Variants in UMAD1 observed in about 807,000 individuals in gnomAD.
The protein encoded by UMAD1 is UBAP1-MVB12-associated (UMA) domain containing 1.
Under a neutral mutation model 6.1 loss-of-function variants are expected in UMAD1, and 8 were observed. The observed-to-expected ratio is 1.30, with a 90% CI of 0.76 to 2.35. The LOEUF is 2.35. Among genes scored for constraint, UMAD1 ranks in the 30% most tolerant of loss-of-function variants. The probability of loss-of-function intolerance (pLI) is 0.00; values close to 1 mark genes in which losing one functional copy is unlikely to be tolerated. For missense variants in UMAD1, 130 were observed against 78.4 expected (o/e 1.66, Z -2.49); for synonymous variants, 56 against 31.4 (o/e 1.78, Z -2.61).
chr7:7,801,055 T>A (rs527289169), intron 2 of UMAD1, among the ~76,000 whole-genome samples: 1 of 152,356 alleles, frequency 6.6e-6, no homozygotes, highest in African/African-American at 2.4e-5. Context: ...AGTGTGTTTG[T>A]GTCTATCCTG....
chr7:7,756,214 C>T (rs1012312532), intron 2 of UMAD1, among the ~76,000 whole-genome samples: 2 of 152,052 alleles, frequency 1.3e-5, no homozygotes, highest in Non-Finnish European at 2.9e-5. Context: ...AGTAACCACC[C>T]CAGTTTGGAG....
chr7:7,663,918 C>T (rs1583707939), intron 1 of UMAD1, among the ~76,000 whole-genome samples: 1 of 152,172 alleles, frequency 6.6e-6, no homozygotes, highest in East Asian at 1.9e-4. Context: ...AATGGGTGAG[C>T]TAGCCAGGAA....
intron 3 of UMAD1, among the ~76,000 whole-genome samples, chr7:7,825,409 G>A (rs528598861): frequency 6.6e-6 from 1 of 152,260 alleles, no homozygotes; most frequent in East Asian, 1.9e-4. Flanking sequence ...AAAAGAAAGA[G>A]GTTTTAGGAC....
At chr7:7,765,603 A>G (rs10085885) in intron 2 of UMAD1, among the ~76,000 whole-genome samples, 40,110 of 152,052 alleles carry the variant, frequency 0.26, 7,659 homozygotes, top group African/African-American at 0.54. Flanking sequence ...TCTCTGTGTC[A>G]GGGATTGAGG....
chr7:7,754,638 A>C (rs1284026646), intron 2 of UMAD1, among the ~76,000 whole-genome samples: 1 of 152,208 alleles, frequency 6.6e-6, no homozygotes, highest in East Asian at 1.9e-4. Flanking sequence ...AAATATACTG[A>C]TTTTTAAATT....
chr7:7,841,462 C>A (rs1783680651), intron 3 of UMAD1, among the ~76,000 whole-genome samples: 1 of 152,004 alleles, frequency 6.6e-6, no homozygotes, highest in South Asian at 2.1e-4. Flanking sequence ...CACCTCCACA[C>A]TCGGCTAATT....
chr7:7,658,425 C>G (rs1332240301), intron 1 of UMAD1, among the ~76,000 whole-genome samples: 1 of 152,190 alleles, frequency 6.6e-6, no homozygotes, highest in African/African-American at 2.4e-5. Flanking sequence ...TTTGCCCATT[C>G]AGTATGATAT....
intron 2 of UMAD1, among the ~76,000 whole-genome samples, chr7:7,745,286 A>G (rs527888410): frequency 6.6e-6 from 1 of 152,156 alleles, no homozygotes; most frequent in Non-Finnish European, 1.5e-5. Context: ...TATAGTGTAC[A>G]CCTGCAGTTC....
At chr7:7,703,447 A>C (rs1780518146) in intron 2 of UMAD1, among the ~76,000 whole-genome samples, 1 of 152,212 alleles carries the variant, frequency 6.6e-6, no homozygotes, top group African/African-American at 2.4e-5. Flanking sequence ...TTATTTATTA[A>C]ATAAAAAGAA....
intron 3 of UMAD1, among the ~76,000 whole-genome samples, chr7:7,831,591 T>C (rs941172800): frequency 6.6e-6 from 1 of 152,144 alleles, no homozygotes; most frequent in Admixed American, 6.5e-5. Flanking sequence ...AAGCTCCCCA[T>C]TGAACCTCCC....
intron 3 of UMAD1, among the ~76,000 whole-genome samples, chr7:7,852,584 A>G (rs1433802371): frequency 1.3e-5 from 2 of 152,128 alleles, no homozygotes; most frequent in African/African-American, 4.8e-5. Context: ...GATTATTACA[A>G]AGGATATTTT....
chr7:7,811,284 T>G (rs1783017428), intron 3 of UMAD1, among the ~76,000 whole-genome samples: 3 of 152,224 alleles, frequency 2.0e-5, no homozygotes, highest in Non-Finnish European at 2.9e-5. Flanking sequence ...AAACCCTTTC[T>G]AATTTCTGAT....
chr7:7,807,563 G>C (rs1782942154), intron 3 of UMAD1, among the ~76,000 whole-genome samples: 2 of 151,976 alleles, frequency 1.3e-5, no homozygotes, highest in Non-Finnish European at 2.9e-5. Flanking sequence ...CTCCATTCAA[G>C]TACATCTCTC....
At chr7:7,766,520 A>G (rs1046433420) in intron 2 of UMAD1, among the ~76,000 whole-genome samples, 1 of 152,192 alleles carries the variant, frequency 6.6e-6, no homozygotes, top group Admixed American at 6.5e-5. Context: ...TTATATATTC[A>G]TAACTGCTTC....
At chr7:7,875,064 G>A (rs111399367) in intron 3 of UMAD1, among the ~76,000 whole-genome samples, 4,232 of 152,226 alleles carry the variant, frequency 0.028, 74 homozygotes, top group Non-Finnish European at 0.039. Flanking sequence ...GTGAGCCACC[G>A]TGCCCGGCCC....
At chr7:7,818,067 C>A (rs939656995) in intron 3 of UMAD1, among the ~76,000 whole-genome samples, 2 of 152,072 alleles carry the variant, frequency 1.3e-5, no homozygotes, top group African/African-American at 4.8e-5. Flanking sequence ...TGGGGGTTTG[C>A]CATACAGATT....
At chr7:7,852,756 C>T (rs1029623198) in intron 3 of UMAD1, among the ~76,000 whole-genome samples, 1 of 152,092 alleles carries the variant, frequency 6.6e-6, no homozygotes, top group Admixed American at 6.6e-5. Flanking sequence ...TCTGTAGAAG[C>T]CCCCCGAACC....
At position 7,676,109 on chromosome 7, in the gene UMAD1, T is replaced by C. The variant is rs1779731154; in HGVS notation, c.82+2656T>C. On this transcript the variant is annotated intron_variant, in intron 2 of 3. Transcript: ENST00000682710. Reference sequence around the variant, plus strand: ...CTCTTCCTTCTTCCGCAGAAGCATCTCAGAGGCTCTCCAGTGACGTGCTGT... The same window carrying C: ...CTCTTCCTTCTTCCGCAGAAGCATCCCAGAGGCTCTCCAGTGACGTGCTGT... 3 of 398,576 alleles carry C rather than the reference T, an allele frequency of 7.5e-6. No homozygotes were observed. The South Asian group carries it at 3.8e-4, about 51-fold the overall frequency. 24.7% of individuals were successfully genotyped at this position (398,576 alleles called of 1,614,324 possible).
chr7:7,700,665 A>G (rs1474831139), intron 2 of UMAD1, among the ~76,000 whole-genome samples: 1 of 152,242 alleles, frequency 6.6e-6, no homozygotes, highest in Non-Finnish European at 1.5e-5. Context: ...AGGTGAGCAG[A>G]TCACCCAAGG....
Sources: gnomAD v4.1 joint callset for allele counts (sites outside exome capture counted in the v4.1 genomes callset) on GRCh38, gnomAD v4.1.1 for gene constraint, MANE v1.5 for transcripts, NCBI Gene and HGNC (gene_info 2026-07-23, HGNC 2026-07-21) for gene names.